The following MAP2K4 variants were observed in gnomAD, a reference collection of about 807,000 sequenced individuals.
The protein encoded by MAP2K4 is dual specificity mitogen-activated protein kinase kinase 4.
In MAP2K4, 4 loss-of-function variants were observed where a neutral mutation model predicts 48.5. That is an observed-to-expected ratio of 0.08 (90% CI 0.04 to 0.19). MAP2K4 has a LOEUF of 0.19. MAP2K4 is among the 10% of genes least tolerant of loss of function. The pLI, the probability that MAP2K4 is intolerant of heterozygous loss-of-function variation, is 1.00. For synonymous variants in MAP2K4, 166 were observed against 173.1 expected, an observed-to-expected ratio of 0.96 and a Z score of 0.32; for missense variants, 258 against 493.3, an observed-to-expected ratio of 0.52 and a Z score of 4.52.
intron 4 of MAP2K4, among the ~76,000 whole-genome samples, chr17:12,096,744 A>G (rs1398265906): frequency 6.6e-6 from 1 of 152,186 alleles, no homozygotes; most frequent in African/African-American, 2.4e-5. Flanking sequence ...GTAGAAGTAT[A>G]TGCAATCTTA....
chr17:12,021,932 C>T (rs911120721), intron 1 of MAP2K4, among the ~76,000 whole-genome samples: 3 of 152,054 alleles, frequency 2.0e-5, no homozygotes, highest in African/African-American at 4.8e-5. Flanking sequence ...AGGCCAGGCC[C>T]GAGCCTGTTA....
At chr17:12,115,529 G>A in intron 7 of MAP2K4, 1 of 509,986 alleles carries the variant, frequency 2.0e-6, no homozygotes, top group Non-Finnish European at 3.5e-6. Flanking sequence ...GGAGGTAGAG[G>A]TGACGGGCCG....
At chr17:12,077,055 G>A (rs1401364361) in intron 2 of MAP2K4, among the ~76,000 whole-genome samples, 2 of 152,146 alleles carry the variant, frequency 1.3e-5, no homozygotes, top group Non-Finnish European at 2.9e-5. Flanking sequence ...TTTAACCAGG[G>A]TATCAAACAT....
At chr17:12,105,024 A>G (rs1972061985) in intron 4 of MAP2K4, among the ~76,000 whole-genome samples, 1 of 152,106 alleles carries the variant, frequency 6.6e-6, no homozygotes, top group African/African-American at 2.4e-5. Context: ...AACTTCTGTC[A>G]TATATCAGAT....
At chr17:12,024,183 C>T (rs909091346) in intron 1 of MAP2K4, among the ~76,000 whole-genome samples, 3 of 152,102 alleles carry the variant, frequency 2.0e-5, no homozygotes, top group Non-Finnish European at 4.4e-5. Context: ...TGAGGACTCT[C>T]AAATGAATTA....
intron 6 of MAP2K4, among the ~76,000 whole-genome samples, chr17:12,111,915 A>G (rs112063144): frequency 1.2e-3 from 185 of 152,206 alleles, no homozygotes; most frequent in Middle Eastern, 3.4e-3. Flanking sequence ...TCCCACTATC[A>G]TGTCTATATG....
chr17:12,128,542 C>A (rs1462648651), intron 8 of MAP2K4, among the ~76,000 whole-genome samples: 1 of 152,060 alleles, frequency 6.6e-6, no homozygotes, highest in Non-Finnish European at 1.5e-5. Flanking sequence ...TGTCCTGAGC[C>A]CTTTATTGGG....
At chr17:12,025,091 A>G (rs535739399) in intron 1 of MAP2K4, among the ~76,000 whole-genome samples, 1 of 152,364 alleles carries the variant, frequency 6.6e-6, no homozygotes, top group African/African-American at 2.4e-5. Context: ...TAGCTGTAGC[A>G]GCTAGCGTTC....
chr17:12,097,031 A>T (rs1455602982), intron 4 of MAP2K4, among the ~76,000 whole-genome samples: 1 of 152,244 alleles, frequency 6.6e-6, no homozygotes, highest in Non-Finnish European at 1.5e-5. Context: ...ATCAGTATAC[A>T]GTCATGTATT....
intron 1 of MAP2K4, among the ~76,000 whole-genome samples, chr17:12,036,118 C>T (rs992520102): frequency 1.1e-4 from 16 of 152,158 alleles, no homozygotes; most frequent in African/African-American, 3.9e-4. Flanking sequence ...ATCTATTCTT[C>T]AGTTTATTTT....
chr17:12,122,306 G>C (rs1397707378), intron 7 of MAP2K4, among the ~76,000 whole-genome samples: 1 of 152,116 alleles, frequency 6.6e-6, no homozygotes, highest in Non-Finnish European at 1.5e-5. Flanking sequence ...TCGTCCCCCT[G>C]CTGCCTGCTT....
intron 2 of MAP2K4, among the ~76,000 whole-genome samples, chr17:12,062,260 G>C (rs1304786436): frequency 6.6e-6 from 1 of 151,916 alleles, no homozygotes; most frequent in African/African-American, 2.4e-5. Flanking sequence ...TATATTCTAA[G>C]TCTTCCTGAG....
chr17:12,042,621 G>A (rs7224192), intron 1 of MAP2K4, among the ~76,000 whole-genome samples: 152,078 of 152,236 alleles, frequency 1, 75,960 homozygotes, highest in Middle Eastern at 1. Flanking sequence ...AGCCTGGGCA[G>A]CAGAGTGAGA....
intron 8 of MAP2K4, among the ~76,000 whole-genome samples, chr17:12,128,542 C>T (rs1462648651): frequency 1.3e-5 from 2 of 152,060 alleles, no homozygotes; most frequent in Non-Finnish European, 2.9e-5. Flanking sequence ...TGTCCTGAGC[C>T]CTTTATTGGG....
In MAP2K4 at chr17:12,021,018, C is replaced by G; in HGVS notation, c.115+17C>G. The G allele has an allele frequency of 8.4e-7, 1 of 1,194,324 alleles. No individual in the cohort carries two copies. The highest frequency in any genetic ancestry group is 1.0e-6 in the Non-Finnish European group (1 of 959,820). 74.0% of individuals were successfully genotyped at this position (1,194,324 alleles called of 1,614,324 possible). A position where few individuals can be genotyped will look rare whatever the true frequency, so the allele number is the denominator to read the frequency against. On this transcript the variant is annotated intron_variant, in intron 1 of 10. Transcript: ENST00000353533. ...GCATGCAGGGTAAGGAACGCGGCCG[C>G]GCCGAGATCCCAGCCCCCTAGCGCG...
intron 9 of MAP2K4, among the ~76,000 whole-genome samples, chr17:12,137,425 G>A (rs1406689236): frequency 6.6e-6 from 1 of 152,032 alleles, no homozygotes; most frequent in Non-Finnish European, 1.5e-5. Flanking sequence ...TTAAAACTGA[G>A]GAAGAAATAA....
intron 8 of MAP2K4, among the ~76,000 whole-genome samples, chr17:12,128,228 C>T (rs1011225361): frequency 6.6e-6 from 1 of 152,162 alleles, no homozygotes; most frequent in South Asian, 2.1e-4. Flanking sequence ...CAGGCGCCTG[C>T]CACCACGCCC....
chr17:12,056,082 TAAAAG>T (rs1970275555), intron 2 of MAP2K4, among the ~76,000 whole-genome samples: 1 of 152,060 alleles, frequency 6.6e-6, no homozygotes, highest in South Asian at 2.1e-4. Context: ...AAACAATTCT[TAAAAG>T]AACCTCCTTC....
intron 9 of MAP2K4, among the ~76,000 whole-genome samples, chr17:12,136,570 TTTATTGGAATTA>T (rs1267838738): frequency 2.0e-5 from 3 of 152,234 alleles, no homozygotes; most frequent in African/African-American, 7.2e-5. Flanking sequence ...AAATGCATTT[TTTATTGGAATTA>T]AGTTTGCTAA....
Sources: allele counts gnomAD v4.1 joint callset (sites outside exome capture counted in the v4.1 genomes callset), GRCh38; gene constraint gnomAD v4.1.1; transcripts MANE v1.5; gene names NCBI Gene and HGNC (gene_info 2026-07-23, HGNC 2026-07-21).